Variants in EXOC2 observed in about 807,000 individuals in gnomAD.
EXOC2 encodes the protein SEC5-like 1.
In EXOC2, 70 loss-of-function variants were observed where a neutral mutation model predicts 131.8. The observed-to-expected ratio is 0.53, with a 90% confidence interval of 0.44 to 0.65. The LOEUF (loss-of-function observed/expected upper bound fraction) is 0.65, where lower values mean the gene tolerates loss of function less well. EXOC2 is among the 30% of genes least tolerant of loss of function. EXOC2 has a pLI of 0.00. For missense variants in EXOC2, 923 were observed against 1,108.6 expected (o/e 0.83, Z 2.38); for synonymous variants, 411 against 398.4 (o/e 1.03, Z -0.38).
chr6:495,833 A>C (rs958891302), intron 25 of EXOC2, among the ~76,000 whole-genome samples: 1 of 152,166 alleles, frequency 6.6e-6, no homozygotes, highest in African/African-American at 2.4e-5. Flanking sequence ...ACTTTTGAAA[A>C]TCTAATTACA....
chr6:625,374 TG>T (rs1761504750), intron 4 of EXOC2, among the ~76,000 whole-genome samples: 1 of 152,256 alleles, frequency 6.6e-6, no homozygotes, highest in South Asian at 2.1e-4. Context: ...ATTTGGCGGA[TG>T]GAAGACGGAG....
chr6:553,990 G>A (rs559125619), intron 20 of EXOC2, 70 bp from the exon 21 acceptor site: 30 of 1,219,028 alleles, frequency 2.5e-5, no homozygotes, highest in Admixed American at 1.1e-4. Context: ...TGAACTATAC[G>A]CAAATTTAAA....
chr6:636,752 T>C (rs1196280298), intron 2 of EXOC2, among the ~76,000 whole-genome samples: 1 of 152,182 alleles, frequency 6.6e-6, no homozygotes, highest in Non-Finnish European at 1.5e-5. Context: ...GAGAGGGGCC[T>C]TTCCCTTCCT....
intron 22 of EXOC2, among the ~76,000 whole-genome samples, chr6:535,062 A>G (rs1204679363): frequency 1.3e-5 from 2 of 152,210 alleles, no homozygotes; most frequent in Admixed American, 1.3e-4. Context: ...CACTGCTCTA[A>G]TTTTCTGCCC....
At chr6:588,642 C>T (rs548336974) in intron 11 of EXOC2, among the ~76,000 whole-genome samples, 99 of 152,342 alleles carry the variant, frequency 6.5e-4, no homozygotes, top group African/African-American at 2.2e-3. Flanking sequence ...CGTGGGCCAC[C>T]GCACCGGCCC....
At chr6:623,855 T>C (rs1761420381) in intron 4 of EXOC2, among the ~76,000 whole-genome samples, 1 of 152,202 alleles carries the variant, frequency 6.6e-6, no homozygotes, top group South Asian at 2.1e-4. Flanking sequence ...TCTTTCTGCC[T>C]GAGAACATCA....
chr6:576,481 A>T (rs1758584471), intron 12 of EXOC2, among the ~76,000 whole-genome samples: 1 of 152,232 alleles, frequency 6.6e-6, no homozygotes, highest in South Asian at 2.1e-4. Context: ...AAAAAAATTC[A>T]ACCACAGAAA....
intron 27 of EXOC2, 68 bp from the exon 28 acceptor site, chr6:486,832 AG>A: frequency 7.9e-7 from 1 of 1,261,200 alleles, no homozygotes. Flanking sequence ...AGAAAACACC[AG>A]GGGAGCCAGT....
chr6:525,122 C>T (rs975346078), intron 23 of EXOC2: 4 of 152,204 alleles, frequency 2.6e-5, no homozygotes, highest in Non-Finnish European at 5.9e-5. Flanking sequence ...TAAGTTCTTC[C>T]TCTATTACTG....
intron 13 of EXOC2, among the ~76,000 whole-genome samples, chr6:568,478 G>A (rs534121334): frequency 7.2e-5 from 11 of 152,154 alleles, no homozygotes; most frequent in African/African-American, 2.4e-4. Flanking sequence ...AGACCCTTGC[G>A]GCTTGTCAGT....
At chr6:687,495 T>G (rs1339712760) in intron 1 of EXOC2, among the ~76,000 whole-genome samples, 1 of 152,110 alleles carries the variant, frequency 6.6e-6, no homozygotes, top group African/African-American at 2.4e-5. Context: ...CAAATAATAT[T>G]TATTTGTATC....
rs925687289 is a variant in EXOC2, at chr6:673,075, C to G, written c.-44+19944G>C. Among the ~76,000 whole-genome samples the G allele has an allele frequency of 3.3e-5, 5 of 151,996 alleles. No homozygotes were observed. The East Asian group carries it at 9.7e-4, about 29-fold the overall frequency. On this transcript the variant is annotated intron_variant, in intron 1 of 27. Coordinates refer to ENST00000230449, the MANE Select transcript of EXOC2 (RefSeq NM_018303.6). Reference sequence around the variant, plus strand: ...AGTAGTTTGAGACCACCCTGGCCAACATGGTGAAACCCCATCTCTACTAAA... The same window carrying G: ...AGTAGTTTGAGACCACCCTGGCCAAGATGGTGAAACCCCATCTCTACTAAA...
chr6:501,933 C>T (rs559529145), intron 23 of EXOC2, among the ~76,000 whole-genome samples: 20 of 151,946 alleles, frequency 1.3e-4, no homozygotes, highest in Middle Eastern at 6.8e-3. Flanking sequence ...GTGAAATAAA[C>T]GAACTCGTCT....
intron 11 of EXOC2, among the ~76,000 whole-genome samples, chr6:586,988 G>A (rs1158041963): frequency 6.6e-6 from 1 of 152,158 alleles, no homozygotes; most frequent in Admixed American, 6.5e-5. Flanking sequence ...ACAATTATGA[G>A]AGGATGCTCA....
chr6:669,014 G>A (rs1003435557), intron 1 of EXOC2: 3 of 152,184 alleles, frequency 2.0e-5, no homozygotes, highest in Non-Finnish European at 4.4e-5. Flanking sequence ...ACATGAAGGT[G>A]CGGAATAAAC....
intron 7 of EXOC2, among the ~76,000 whole-genome samples, chr6:606,621 C>T (rs1398450914): frequency 6.6e-6 from 1 of 152,190 alleles, no homozygotes; most frequent in Non-Finnish European, 1.5e-5. Context: ...CGTGAATCAA[C>T]TTCTGATATT....
At chr6:624,470 T>A (rs895584864) in intron 4 of EXOC2, among the ~76,000 whole-genome samples, 14 of 152,258 alleles carry the variant, frequency 9.2e-5, no homozygotes, top group Non-Finnish European at 5.9e-5. Context: ...TATTTGCTAT[T>A]ATTTTTATTA....
At position 491,007 on chromosome 6, in the gene EXOC2, C is replaced by G. The variant is rs1763396902; in HGVS notation, c.2621+118G>C. On this transcript the variant is annotated intron_variant, in intron 26 of 27. Transcript: ENST00000230449. Reference sequence around the variant, plus strand: ...AAAGTGGCCTTGACATAAACTTTATCACATCACAAATTCATGAGCATGTGC... The same window carrying G: ...AAAGTGGCCTTGACATAAACTTTATGACATCACAAATTCATGAGCATGTGC... 3 of 1,053,526 alleles carry G rather than the reference C, an allele frequency of 2.8e-6. No individual in the cohort carries two copies. The Admixed American group carries it at 5.9e-5, about 21-fold the overall frequency. 65.3% of individuals were successfully genotyped at this position (1,053,526 alleles called of 1,614,324 possible).
chr6:515,244 C>T (rs1216080881), intron 23 of EXOC2, among the ~76,000 whole-genome samples: 4 of 152,198 alleles, frequency 2.6e-5, no homozygotes, highest in African/African-American at 9.7e-5. Context: ...CCACCTCACC[C>T]TACCCCAGAA....
Sources: gnomAD v4.1 joint callset for allele counts (sites outside exome capture counted in the v4.1 genomes callset) on GRCh38, gnomAD v4.1.1 for gene constraint, MANE v1.5 for transcripts, NCBI Gene and HGNC (gene_info 2026-07-23, HGNC 2026-07-21) for gene names.